The following ANKS1A variants were observed in gnomAD, a reference collection of about 807,000 sequenced individuals.
ANKS1A encodes the protein ankyrin repeat and SAM domain-containing protein 1A.
In ANKS1A, 55 loss-of-function variants were observed where a neutral mutation model predicts 120.3. The ratio of observed to expected loss-of-function variants is 0.46; its 90% CI spans 0.37 to 0.57. ANKS1A has a LOEUF of 0.57. Ranked by LOEUF, ANKS1A falls within the 20% of genes least tolerant of loss-of-function variation. The pLI is 0.00. For synonymous variants in ANKS1A, 590 were observed against 604.7 expected, an observed-to-expected ratio of 0.98 and a Z score of 0.36; for missense variants, 1,123 against 1,480.3, an observed-to-expected ratio of 0.76 and a Z score of 3.96.
chr6:34,935,512 T>C (rs1222509005), intron 1 of ANKS1A, among the ~76,000 whole-genome samples: 1 of 152,240 alleles, frequency 6.6e-6, no homozygotes, highest in African/African-American at 2.4e-5. Flanking sequence ...TTGGACTTTG[T>C]CATCTGTACT....
At chr6:34,953,112 G>C (rs1158778669) in intron 1 of ANKS1A, among the ~76,000 whole-genome samples, 1 of 151,758 alleles carries the variant, frequency 6.6e-6, no homozygotes, top group Admixed American at 6.6e-5. Flanking sequence ...TTTCTTACCT[G>C]TTGAGTTCTC....
intron 11 of ANKS1A, among the ~76,000 whole-genome samples, chr6:35,049,719 A>T (rs1775880325): frequency 6.6e-6 from 1 of 152,348 alleles, no homozygotes; most frequent in Non-Finnish European, 1.5e-5. Context: ...ACCAAAGGAA[A>T]GTAAAAGGAA....
chr6:35,018,556 G>A (rs1412186260), intron 11 of ANKS1A, among the ~76,000 whole-genome samples: 2 of 148,676 alleles, frequency 1.3e-5, no homozygotes, highest in East Asian at 3.9e-4. Flanking sequence ...AACTTTTATG[G>A]TAGATTCAGG....
At chr6:35,091,926 A>G (rs186193304), downstream of ANKS1A, among the ~76,000 whole-genome samples, 1 of 152,236 alleles carries the variant, frequency 6.6e-6, no homozygotes, top group East Asian at 1.9e-4. Context: ...TGGCAGGGAG[A>G]GGAAGGGGCA....
rs950537066 is a variant in ANKS1A, at chr6:35,088,663, C to T, written c.*54C>T. 14 of 1,613,858 alleles carry T rather than the reference C, an allele frequency of 8.7e-6. No homozygotes were observed. The highest frequency in any genetic ancestry group is 1.7e-5 in the Admixed American group (1 of 60,014). On this transcript the variant is annotated 3_prime_UTR_variant, in exon 24 of 24. Transcript: ENST00000360359. ...AAACATAGACGTGGGGGCATAGGCT[C>T]CCACTGCCACCACCGCCATCGCCTC... is the stretch of plus-strand genomic sequence containing the variant.
At chr6:35,053,375 G>A (rs1203155338) in intron 11 of ANKS1A, among the ~76,000 whole-genome samples, 2 of 152,230 alleles carry the variant, frequency 1.3e-5, no homozygotes, top group South Asian at 2.1e-4. Context: ...CATACTGGGG[G>A]CAGCGCTGGA....
At chr6:34,986,063 A>G (rs1011662201) in intron 8 of ANKS1A, among the ~76,000 whole-genome samples, 6 of 152,238 alleles carry the variant, frequency 3.9e-5, no homozygotes, top group African/African-American at 1.4e-4. Flanking sequence ...AGAATATTGC[A>G]TGAGCCTACA....
At chr6:34,919,608 C>T (rs2127464044) in intron 1 of ANKS1A, among the ~76,000 whole-genome samples, 2 of 152,192 alleles carry the variant, frequency 1.3e-5, no homozygotes, top group Middle Eastern at 6.8e-3. Flanking sequence ...TGGTGAAGTG[C>T]CTAGACTCTG....
chr6:35,050,325 G>A lies in ANKS1A; in HGVS notation c.2011-3774G>A, dbSNP rs1284183006. On this transcript the variant is annotated intron_variant, in intron 11 of 23. Transcript: ENST00000360359. The surrounding 1 kb of genome is among the most constrained non-coding windows in gnomAD (Gnocchi z 4.3). ...CTTATATTAACAAACACGAGTATAA[G>A]TTTTCAGTCAGTTCACGTGAAGTGC... is the stretch of plus-strand genomic sequence containing the variant. Among the ~76,000 whole-genome samples the A allele has an allele frequency of 2.0e-5, 3 of 152,174 alleles. No homozygotes were observed. The highest frequency in any genetic ancestry group is 7.2e-5 in the African/African-American group (3 of 41,446).
In ANKS1A at chr6:34,982,067, T is replaced by C; in HGVS notation, c.732+81T>C. On this transcript the variant is annotated intron_variant, in intron 4 of 23. Transcript: ENST00000360359. The surrounding 1 kb of genome is among the most constrained non-coding windows in gnomAD (Gnocchi z 4.9). ...AGGCACAAGGACCATGCTGCTGGGC[T>C]GTGCTCTTTATTTAGCACGTTTCAC... 3 of 1,514,862 alleles carry C rather than the reference T, an allele frequency of 2.0e-6. No individual in the cohort carries two copies. The South Asian group carries it at 3.8e-5, about 19-fold the overall frequency. The allele number at this position is 1,514,862 out of a possible 1,614,324, so 93.8% of individuals were successfully genotyped here.
chr6:34,912,214 T>G (rs1013600657), intron 1 of ANKS1A, among the ~76,000 whole-genome samples: 1 of 152,206 alleles, frequency 6.6e-6, no homozygotes, highest in African/African-American at 2.4e-5. Flanking sequence ...TAGTTATAAT[T>G]TTTACATGGC....
Position 35,082,025 on chromosome 6 carries a change from T to A in ANKS1A, c.2710-666T>A, listed in dbSNP as rs886268576. ...ACAGCCATGAGTTTTAAAGGATTTT[T>A]AAACACATTGTCCAGCAATTCCGGT... is the stretch of plus-strand genomic sequence containing the variant. On this transcript the variant is annotated intron_variant, in intron 17 of 23. Coordinates refer to ENST00000360359, the MANE Select transcript of ANKS1A (RefSeq NM_015245.3). This position sits in a 1 kb window ranked among gnomAD's most constrained non-coding sequence, Gnocchi z 4.1. 1.3e-5 allele frequency among the ~76,000 whole-genome samples: 2 copies of A among 152,238 alleles called. No individual in the cohort carries two copies. Among genetic ancestry groups the A allele is most frequent in the African/African-American group, 4.8e-5 (2 of 41,466 alleles).
intron 1 of ANKS1A, among the ~76,000 whole-genome samples, chr6:34,927,777 C>T (rs1768789098): frequency 6.6e-6 from 1 of 152,092 alleles, no homozygotes; most frequent in Non-Finnish European, 1.5e-5. Flanking sequence ...TCTAATCCTG[C>T]CTGAATGGCT....
chr6:35,038,096 C>A, intron 11 of ANKS1A: 1 of 438,438 alleles, frequency 2.3e-6, no homozygotes, highest in South Asian at 1.6e-5. Context: ...TAGTAGAAGA[C>A]AGAAGAGAAA....
intron 1 of ANKS1A, among the ~76,000 whole-genome samples, chr6:34,920,497 G>A (rs548665775): frequency 6.6e-6 from 1 of 152,268 alleles, no homozygotes; most frequent in South Asian, 2.1e-4. Flanking sequence ...GATTATAGGT[G>A]TGAGATTACA....
At chr6:35,053,124 C>A (rs1307967812) in intron 11 of ANKS1A, among the ~76,000 whole-genome samples, 1 of 152,220 alleles carries the variant, frequency 6.6e-6, no homozygotes, top group Non-Finnish European at 1.5e-5. Context: ...GACCCAGGCT[C>A]CTTACTTGCA....
intron 11 of ANKS1A, among the ~76,000 whole-genome samples, chr6:35,039,998 T>TA (rs1775375457): frequency 6.6e-6 from 1 of 152,168 alleles, no homozygotes; most frequent in Non-Finnish European, 1.5e-5. Context: ...CTCCCTCTTC[T>TA]ATATAAACCC....
At chr6:34,968,200 G>C (rs1218102483) in intron 2 of ANKS1A, among the ~76,000 whole-genome samples, 1 of 152,128 alleles carries the variant, frequency 6.6e-6, no homozygotes, top group African/African-American at 2.4e-5. Context: ...GGTGGGATTT[G>C]TGTGGAACGT....
chr6:34,970,818 C>G (rs1047457844), intron 3 of ANKS1A, among the ~76,000 whole-genome samples: 2 of 151,744 alleles, frequency 1.3e-5, no homozygotes, highest in African/African-American at 4.8e-5. Context: ...GTGAGGAGCC[C>G]CAACCCCCCA....
Sources: gnomAD v4.1 joint callset for allele counts (sites outside exome capture counted in the v4.1 genomes callset) on GRCh38, gnomAD v4.1.1 for gene constraint, Gnocchi (gnomAD v3.1) non-coding constraint, MANE v1.5 for transcripts, NCBI Gene and HGNC (gene_info 2026-07-23, HGNC 2026-07-21) for gene names.